The following ANK1 variants were observed in gnomAD, a reference collection of about 807,000 sequenced individuals.
ANK1 encodes ankyrin 1.
In ANK1, 51 loss-of-function variants were observed where a neutral mutation model predicts 210.4. The ratio of observed to expected loss-of-function variants is 0.24; its 90% CI spans 0.19 to 0.31. ANK1 has a LOEUF of 0.31. Ranked by LOEUF, ANK1 falls within the 10% of genes least tolerant of loss-of-function variation. ANK1 has a pLI of 1.00. For missense variants in ANK1, 2,051 were observed against 2,504.4 expected (o/e 0.82, Z 3.86); for synonymous variants, 967 against 1,025.9 (o/e 0.94, Z 1.10).
At chr8:41,664,324 A>G (rs1809619405) in intron 39 of ANK1, 2 of 369,178 alleles carry the variant, frequency 5.4e-6, no homozygotes, top group South Asian at 4.1e-5. Context: ...TTTTTTTAAA[A>G]TAGCCAGGCA....
At chr8:41,703,061 C>T (rs1823317712) in intron 20 of ANK1, among the ~76,000 whole-genome samples, 1 of 151,928 alleles carries the variant, frequency 6.6e-6, no homozygotes, top group Non-Finnish European at 1.5e-5. Flanking sequence ...GAACTCCTGA[C>T]CTCAAGTGAT....
intron 1 of ANK1, among the ~76,000 whole-genome samples, chr8:41,868,553 A>G (rs1314804961): frequency 6.6e-6 from 1 of 152,238 alleles, no homozygotes; most frequent in East Asian, 1.9e-4. Context: ...CACGGCATTT[A>G]TTCTCATTTT....
chr8:41,693,154 G>A lies in ANK1; in HGVS notation c.3580C>T (p.Leu1194Phe). 1 of 1,613,964 alleles carries A rather than the reference G, an allele frequency of 6.2e-7. No homozygotes were observed. Among genetic ancestry groups the A allele is most frequent in the Non-Finnish European group, 8.5e-7 (1 of 1,179,834 alleles). Reference protein sequence around the residue: ...QWEDITGTTKLVYANECANFT... With the variant: ...QWEDITGTTKFVYANECANFT... ...TTGGCGCACTCGTTGGCATATACAA[G>A]TTTGGTGGTTCCTGTTATGTCTTCC... Residue 1194 changes from leucine to phenylalanine, a missense_variant, in exon 30 of 43, where the codon CTT becomes TTT. Around this residue, in one of 6 missense-constraint regions of ANK1, gnomAD observed 1,413 missense variants for 1,707.4 expected, o/e 0.83. Coordinates refer to ENST00000289734, the MANE Select transcript of ANK1 (RefSeq NM_000037.4).
intron 1 of ANK1, among the ~76,000 whole-genome samples, chr8:41,895,101 G>C (rs190211899): frequency 5.8e-4 from 88 of 152,306 alleles, no homozygotes; most frequent in Non-Finnish European, 1.2e-3. Context: ...CAACTGTCAA[G>C]GGGTGTGTGA....
intron 1 of ANK1, among the ~76,000 whole-genome samples, chr8:41,885,426 T>C (rs768075305): frequency 6.6e-6 from 1 of 152,250 alleles, no homozygotes; most frequent in Non-Finnish European, 1.5e-5. Flanking sequence ...GGTTTGACTA[T>C]GGTTTGCTTT....
chr8:41,660,779 C>T (rs1807816333), intron 42 of ANK1, among the ~76,000 whole-genome samples: 1 of 152,192 alleles, frequency 6.6e-6, no homozygotes, highest in Non-Finnish European at 1.5e-5. Context: ...AGCAAGGGAG[C>T]AACGTGTTTC....
intron 1 of ANK1, among the ~76,000 whole-genome samples, chr8:41,827,530 T>C (rs1459415444): frequency 1.3e-5 from 2 of 152,352 alleles, no homozygotes; most frequent in East Asian, 3.9e-4. Flanking sequence ...AAAGGAAATG[T>C]AGGTTAGACA....
chr8:41,803,736 G>C (rs1460566915), intron 1 of ANK1, among the ~76,000 whole-genome samples: 1 of 151,876 alleles, frequency 6.6e-6, no homozygotes, highest in Non-Finnish European at 1.5e-5. Flanking sequence ...TTAGCTTCTA[G>C]TCTCAGTTTA....
chr8:41,818,624 TCTC>T (rs1587182547), intron 1 of ANK1, among the ~76,000 whole-genome samples: 1 of 152,084 alleles, frequency 6.6e-6, no homozygotes, highest in Non-Finnish European at 1.5e-5. Context: ...TCTTTCTCTC[TCTC>T]TTTTTCTTTC....
chr8:41,847,149 C>T (rs1010088998), intron 1 of ANK1, among the ~76,000 whole-genome samples: 1 of 152,242 alleles, frequency 6.6e-6, no homozygotes, highest in African/African-American at 2.4e-5. Context: ...ATATCTAGCA[C>T]TGACAACAAA....
At chr8:41,844,031 C>T (rs1265124784) in intron 1 of ANK1, among the ~76,000 whole-genome samples, 1 of 152,226 alleles carries the variant, frequency 6.6e-6, no homozygotes, top group Non-Finnish European at 1.5e-5. Context: ...TGCATCACCA[C>T]ACCCAGCTAC....
chr8:41,853,440 T>A (rs1482089509), intron 1 of ANK1, among the ~76,000 whole-genome samples: 11 of 152,268 alleles, frequency 7.2e-5, no homozygotes, highest in Admixed American at 7.2e-4. Context: ...ATATTTTAGA[T>A]GTTTCTTTCT....
At chr8:41,675,294 A>G (rs1190667106) in intron 37 of ANK1, among the ~76,000 whole-genome samples, 1 of 152,068 alleles carries the variant, frequency 6.6e-6, no homozygotes, top group Non-Finnish European at 1.5e-5. Context: ...ATGGGGTTTC[A>G]CCCTGTTGGC....
chr8:41,797,637 G>C, upstream of ANK1: 2 of 1,570,688 alleles, frequency 1.3e-6, no homozygotes, highest in East Asian at 2.3e-5. This position sits in a 1 kb window ranked among gnomAD's most constrained non-coding sequence, Gnocchi z 4.0. Context: ...GGCCTGTGAC[G>C]TGCGGGCCAG....
Position 41,668,360 on chromosome 8 carries a change from C to T in ANK1, c.5301G>A (p.Glu1767=), listed in dbSNP as rs773957148. 12 of 1,614,242 alleles carry T rather than the reference C, an allele frequency of 7.4e-6. No individual in the cohort carries two copies. The South Asian group carries it at 1.3e-4, about 18-fold the overall frequency. Residue 1767 remains glutamate (E), a synonymous_variant, in exon 39 of 43, where the codon GAG becomes GAA. Transcript: ENST00000289734. ...CCCTGTCGGCCTGGGAGCTCTCAGC[C>T]TCGGGCTGTTCTGTCCACGTGTGCT... ...VSEHTWTEQP[E]AESSQADRDR...
chr8:41,661,457 G>GGCT lies in ANK1; in HGVS notation c.*6_*8dup. On this transcript the variant is annotated 3_prime_UTR_variant, in exon 42 of 43. Transcript: ENST00000289734. ...CCCGAGAGGCTACTCCAAGGAGAGC[G>GGCT]GCTCGGGGTCACTGTTTCCCCCTTT... 6.2e-7 allele frequency: 1 copy of GGCT among 1,614,060 alleles called. No homozygotes were observed. Among genetic ancestry groups the GGCT allele is most frequent in the Non-Finnish European group, 8.5e-7 (1 of 1,180,038 alleles).
chr8:41,703,444 A>ATTTTT (rs1257332982), intron 20 of ANK1, among the ~76,000 whole-genome samples: 3 of 62,368 alleles, frequency 4.8e-5, no homozygotes, highest in African/African-American at 2.0e-4. Context: ...ATATATATAT[A>ATTTTT]TATATATTTT....
intron 17 of ANK1, 71 bp from the exon 18 acceptor site, chr8:41,706,312 G>A: frequency 7.1e-7 from 1 of 1,416,874 alleles, no homozygotes; most frequent in Non-Finnish European, 9.8e-7. Context: ...AGAGCTCTGA[G>A]GTCTGGGAGC....
At chr8:41,753,779 T>A (rs1332315475) in intron 2 of ANK1, among the ~76,000 whole-genome samples, 1 of 139,554 alleles carries the variant, frequency 7.2e-6, no homozygotes, top group Non-Finnish European at 1.6e-5. Flanking sequence ...CTCTCGCCCC[T>A]ACCTGTAAGC....
Sources: allele counts gnomAD v4.1 joint callset (sites outside exome capture counted in the v4.1 genomes callset), GRCh38; gene constraint gnomAD v4.1.1; regional missense constraint gnomAD v4.1.1; non-coding constraint Gnocchi (gnomAD v3.1); transcripts MANE v1.5; gene names NCBI Gene and HGNC (gene_info 2026-07-23, HGNC 2026-07-21).